ZNF536: variants seen among roughly 807,000 people sequenced by gnomAD.
ZNF536 encodes the protein zinc finger protein 536.
A neutral mutation model predicts 84.5 loss-of-function variants in ZNF536; 13 were observed. The ratio of observed to expected loss-of-function variants is 0.15; its 90% CI spans 0.10 to 0.24. The LOEUF is 0.24. Ranked by LOEUF, ZNF536 falls within the 10% of genes least tolerant of loss-of-function variation. The probability of loss-of-function intolerance (pLI) is 1.00; values close to 1 mark genes in which losing one functional copy is unlikely to be tolerated. For missense variants in ZNF536, 1,536 were observed against 1,747.5 expected (o/e 0.88, Z 2.16); for synonymous variants, 811 against 742.5 (o/e 1.09, Z -1.50).
intron 2 of ZNF536, among the ~76,000 whole-genome samples, chr19:30,295,547 G>A (rs1273296085): frequency 6.6e-5 from 10 of 152,152 alleles, no homozygotes; most frequent in African/African-American, 2.2e-4. Context: ...CTGTTTCTGC[G>A]GCCCCAGGGA....
Position 30,548,388 on chromosome 19 carries a change from C to G in ZNF536, c.2769C>G (p.Asp923Glu), listed in dbSNP as rs2045638484. Residue 923 changes from aspartate (D) to glutamate (E), a missense_variant, in exon 4 of 5, where the codon GAC becomes GAG. Around this residue, in one of 8 missense-constraint regions of ZNF536, gnomAD observed 624 missense variants for 603.1 expected, o/e 1.03. Coordinates refer to ENST00000355537, the MANE Select transcript of ZNF536 (RefSeq NM_014717.3). ...AAGGGTCCTTGCAAGCTTTCATGGA[C>G]AGTTTTGTCCTCAGTTCCTTGAAGA... is the stretch of plus-strand genomic sequence containing the variant. ...NFQGSLQAFM[D>E]SFVLSSLKKE... The G allele has an allele frequency of 6.2e-7, 1 of 1,614,126 alleles. No individual in the cohort carries two copies. Among genetic ancestry groups the G allele is most frequent in the South Asian group, 1.1e-5 (1 of 91,080 alleles).
intron 2 of ZNF536, among the ~76,000 whole-genome samples, chr19:30,522,659 G>A (rs929525590): frequency 6.6e-6 from 1 of 151,986 alleles, no homozygotes; most frequent in African/African-American, 2.4e-5. Context: ...TTCTTTATAA[G>A]GAAGCCCTCT....
intron 1 of ZNF536, among the ~76,000 whole-genome samples, chr19:30,650,525 T>C (rs2049661305): frequency 6.6e-6 from 1 of 152,262 alleles, no homozygotes; most frequent in African/African-American, 2.4e-5. Flanking sequence ...GCTTACATTA[T>C]ATCAGAATCT....
intron 2 of ZNF536, among the ~76,000 whole-genome samples, chr19:30,532,107 G>T (rs546218715): frequency 6.6e-6 from 1 of 151,604 alleles, no homozygotes; most frequent in African/African-American, 2.4e-5. Flanking sequence ...AGGAGGCCCC[G>T]CAGGAATTAC....
chr19:30,615,182 T>A (rs2048246170), intron 1 of ZNF536, among the ~76,000 whole-genome samples: 1 of 150,904 alleles, frequency 6.6e-6, no homozygotes, highest in African/African-American at 2.4e-5. Context: ...CCTGACCTCG[T>A]GATCCGCCCG....
intron 2 of ZNF536, among the ~76,000 whole-genome samples, chr19:30,501,085 G>A (rs1415646298): frequency 1.3e-5 from 2 of 152,108 alleles, no homozygotes; most frequent in South Asian, 2.1e-4. Context: ...GGTATCAGGG[G>A]CTGATTACTT....
At chr19:30,709,817 A>G (rs1420408644) in intron 1 of ZNF536, among the ~76,000 whole-genome samples, 1 of 152,062 alleles carries the variant, frequency 6.6e-6, no homozygotes, top group Non-Finnish European at 1.5e-5. Context: ...CAGTCTCACC[A>G]TGTTGCCCAG....
At chr19:30,485,603 C>CTT (rs60352241) in intron 2 of ZNF536, among the ~76,000 whole-genome samples, 15,506 of 141,256 alleles carry the variant, frequency 0.11, 1,188 homozygotes, top group African/African-American at 0.22. Flanking sequence ...TTTTTTTCTT[C>CTT]TTTTTTTTTT....
At chr19:30,308,341 T>C (rs1372262863) in intron 2 of ZNF536, among the ~76,000 whole-genome samples, 1 of 152,172 alleles carries the variant, frequency 6.6e-6, no homozygotes, top group Non-Finnish European at 1.5e-5. Context: ...CTCCATGTAA[T>C]CTTGTGAACA....
intron 1 of ZNF536, among the ~76,000 whole-genome samples, chr19:30,442,182 G>A (rs539967341): frequency 6.6e-6 from 1 of 152,338 alleles, no homozygotes; most frequent in South Asian, 2.1e-4. Context: ...GAAATAGAAG[G>A]ATCCCAGGCA....
rs1443880436 is a variant in ZNF536, at chr19:30,304,919, T to A, written c.-120+20778T>A. On this transcript the variant is annotated intron_variant, in intron 2 of 5. Coordinates refer to the ZNF536 transcript ENST00000585628. ...GCATATTTGCATCTTCCTGACAGTT[T>A]GCAAAGATGCCTCTGTCAGAGGAGT... Among the ~76,000 whole-genome samples the A allele has an allele frequency of 2.0e-5, 3 of 152,350 alleles. No homozygotes were observed. The East Asian group carries it at 5.8e-4, about 29-fold the overall frequency.
intron 1 of ZNF536, among the ~76,000 whole-genome samples, chr19:30,676,137 G>A (rs2050747006): frequency 6.6e-6 from 1 of 152,154 alleles, no homozygotes; most frequent in Admixed American, 6.5e-5. Context: ...TTACAGGTGT[G>A]AGCCACATGT....
chr19:30,579,222 AATGAC>A (rs2046840311), intron 1 of ZNF536, among the ~76,000 whole-genome samples: 1 of 152,236 alleles, frequency 6.6e-6, no homozygotes, highest in Admixed American at 6.5e-5. Flanking sequence ...CACCTGATCG[AATGAC>A]TAATGGGTTT....
At chr19:30,597,157 A>G (rs1321380826) in intron 1 of ZNF536, among the ~76,000 whole-genome samples, 1 of 152,242 alleles carries the variant, frequency 6.6e-6, no homozygotes, top group Non-Finnish European at 1.5e-5. Flanking sequence ...GTGCGCAAGC[A>G]TGCATGCCCA....
At chr19:30,365,446 G>T (rs1300556861) in intron 3 of ZNF536, among the ~76,000 whole-genome samples, 1 of 152,230 alleles carries the variant, frequency 6.6e-6, no homozygotes, top group Non-Finnish European at 1.5e-5. Context: ...AGCCATTGCA[G>T]TTCTTTCTAG....
At chr19:30,238,653 CCTAT>C (rs369388875) in intron 1 of ZNF536, among the ~76,000 whole-genome samples, 34 of 152,066 alleles carry the variant, frequency 2.2e-4, no homozygotes, top group Admixed American at 4.6e-4. Flanking sequence ...CTCCTTCCTT[CCTAT>C]CTGTCTCTCT....
chr19:30,511,456 C>G (rs2055410842), intron 2 of ZNF536, among the ~76,000 whole-genome samples: 1 of 152,122 alleles, frequency 6.6e-6, no homozygotes, highest in Non-Finnish European at 1.5e-5. Flanking sequence ...TTTATGTTTT[C>G]CACTAAGAAT....
intron 2 of ZNF536, among the ~76,000 whole-genome samples, chr19:30,533,025 G>GA (rs898490442): frequency 1.3e-5 from 2 of 151,576 alleles, no homozygotes; most frequent in Non-Finnish European, 2.9e-5. Flanking sequence ...AAAATTATAG[G>GA]AAAAAAAAGC....
chr19:30,450,487 C>T (rs976392300), intron 2 of ZNF536, among the ~76,000 whole-genome samples: 32 of 152,284 alleles, frequency 2.1e-4, no homozygotes, highest in African/African-American at 7.5e-4. Context: ...TTAAAAAGGA[C>T]TTGGGGAGAC....
Sources: allele counts gnomAD v4.1 joint callset (sites outside exome capture counted in the v4.1 genomes callset), GRCh38; gene constraint gnomAD v4.1.1; regional missense constraint gnomAD v4.1.1; transcripts MANE v1.5; gene names NCBI Gene and HGNC (gene_info 2026-07-23, HGNC 2026-07-21).